GPM6A: variants seen among roughly 807,000 people sequenced by gnomAD.
GPM6A encodes the protein glycoprotein M6A.
In GPM6A, 7 loss-of-function variants were observed where a neutral mutation model predicts 32.1. That is an observed-to-expected ratio of 0.22 (90% confidence interval 0.12 to 0.41). GPM6A has a LOEUF of 0.41. GPM6A is among the 10% of genes least tolerant of loss of function. GPM6A has a pLI of 1.00. For missense variants in GPM6A, 235 were observed against 347.2 expected (o/e 0.68, Z 2.57); for synonymous variants, 130 against 123.4 (o/e 1.05, Z -0.35).
intron 1 of GPM6A, chr4:175,961,915 G>C (rs1478578608): frequency 3.1e-6 from 1 of 323,310 alleles, no homozygotes; most frequent in African/African-American, 2.1e-5. Flanking sequence ...GTAAAAAACT[G>C]AGTCCTAATT....
intron 1 of GPM6A, among the ~76,000 whole-genome samples, chr4:175,865,429 G>A (rs980597631): frequency 2.0e-5 from 3 of 152,086 alleles, no homozygotes; most frequent in African/African-American, 7.2e-5. Context: ...GGATTTTTGT[G>A]TAAATTTAAG....
At chr4:175,886,840 T>C (rs1405302695) in intron 1 of GPM6A, among the ~76,000 whole-genome samples, 3 of 151,810 alleles carry the variant, frequency 2.0e-5, no homozygotes, top group African/African-American at 4.8e-5. Flanking sequence ...TTGCTTCTAA[T>C]TGAATTTTGG....
intron 1 of GPM6A, among the ~76,000 whole-genome samples, chr4:175,834,288 C>T (rs1735699565): frequency 6.6e-6 from 1 of 152,144 alleles, no homozygotes; most frequent in African/African-American, 2.4e-5. Flanking sequence ...TATGCTTCCA[C>T]AAAAGGACAA....
intron 1 of GPM6A, among the ~76,000 whole-genome samples, chr4:175,956,407 G>C (rs967069593): frequency 1.3e-5 from 2 of 151,990 alleles, no homozygotes; most frequent in Non-Finnish European, 2.9e-5. Context: ...TCATTTGCTC[G>C]AATTCATATC....
chr4:175,654,138 T>C (rs1741948258), intron 3 of GPM6A: 1 of 152,222 alleles, frequency 6.6e-6, no homozygotes, highest in Non-Finnish European at 1.5e-5. Flanking sequence ...CAGGTCATTT[T>C]CCATCTTTTG....
At chr4:175,983,460 C>A (rs1245349991) in intron 1 of GPM6A, among the ~76,000 whole-genome samples, 4 of 152,170 alleles carry the variant, frequency 2.6e-5, no homozygotes, top group African/African-American at 9.6e-5. Context: ...AAGTTTACTT[C>A]TATTCCTAGT....
At chr4:175,668,429 G>A (rs6553892) in intron 3 of GPM6A, among the ~76,000 whole-genome samples, 84,352 of 150,464 alleles carry the variant, frequency 0.56, 26,032 homozygotes, top group East Asian at 0.88. Context: ...TTAAAATCTG[G>A]AAAAAAAAAT....
At chr4:175,821,923 A>G (rs1735289590) in intron 1 of GPM6A, among the ~76,000 whole-genome samples, 1 of 152,058 alleles carries the variant, frequency 6.6e-6, no homozygotes, top group East Asian at 1.9e-4. Context: ...ATTTTAATTT[A>G]TTTCCTCTGT....
Position 175,895,755 on chromosome 4 carries a change from C to T in GPM6A, c.-22-83506G>A, listed in dbSNP as rs563443703. ...ATATTTATTTGGTTTGCAATATTTT[C>T]CAAATTCTGTATTAAGTATACTGTA... On this transcript the variant is annotated intron_variant, in intron 1 of 7. Coordinates refer to the GPM6A transcript ENST00000280187. Among the ~76,000 whole-genome samples, 9 of 152,186 alleles carry T rather than the reference C, an allele frequency of 5.9e-5. No individual in the cohort carries two copies. In the South Asian group the frequency reaches 1.7e-3, roughly 28 times the overall value.
At chr4:175,750,305 G>T (rs146063835) in intron 1 of GPM6A, among the ~76,000 whole-genome samples, 6 of 152,026 alleles carry the variant, frequency 3.9e-5, no homozygotes, top group Non-Finnish European at 8.8e-5. Context: ...TGATCCACCC[G>T]CCTTGGCCTC....
Position 175,755,051 on chromosome 4 carries a change from A to T in GPM6A, c.38-53284T>A, listed in dbSNP as rs538948300. The stretch of plus-strand genomic sequence containing the variant: ...ATTAAAGAAAAAAATCTTCAAAAAA[A>T]TTTTTTTGTGTAATTTGAACATTAT... On this transcript the variant is annotated intron_variant, in intron 1 of 6. Transcript: ENST00000393658. Among the ~76,000 whole-genome samples the T allele has an allele frequency of 2.6e-4, 39 of 149,706 alleles. No homozygotes were observed. In the South Asian group the frequency reaches 4.0e-3, roughly 15 times the overall value.
chr4:175,939,417 T>A (rs1204416621), intron 1 of GPM6A, among the ~76,000 whole-genome samples: 1 of 152,202 alleles, frequency 6.6e-6, no homozygotes, highest in East Asian at 1.9e-4. Context: ...TTTTTGTATC[T>A]CTTAAAGCAG....
At chr4:175,751,828 T>C (rs946640100) in intron 1 of GPM6A, among the ~76,000 whole-genome samples, 4 of 151,994 alleles carry the variant, frequency 2.6e-5, no homozygotes, top group African/African-American at 9.7e-5. Context: ...TATTTCATCA[T>C]GGAGAGGAAA....
chr4:175,729,487 C>CA (rs1731320766), intron 1 of GPM6A, among the ~76,000 whole-genome samples: 1 of 151,402 alleles, frequency 6.6e-6, no homozygotes, highest in Admixed American at 6.6e-5. Context: ...CTCATGGATA[C>CA]AAAAAAATAG....
At chr4:175,823,836 T>G (rs930401965) in intron 1 of GPM6A, among the ~76,000 whole-genome samples, 1 of 152,218 alleles carries the variant, frequency 6.6e-6, no homozygotes, top group African/African-American at 2.4e-5. Context: ...GACTGACAAC[T>G]TTTCTCATTC....
chr4:175,757,877 A>G (rs77667554), intron 1 of GPM6A, among the ~76,000 whole-genome samples: 2,416 of 152,316 alleles, frequency 0.016, 79 homozygotes, highest in African/African-American at 0.055. Flanking sequence ...TGTACAGATA[A>G]TAACATGTTT....
chr4:175,812,912 G>A (rs1560947044), upstream of GPM6A: 1 of 984,750 alleles, frequency 1.0e-6, no homozygotes, highest in Non-Finnish European at 1.2e-6. Flanking sequence ...ACCATCTCAG[G>A]GTTTATCTGC....
chr4:175,690,557 C>A (rs960609394), intron 2 of GPM6A, among the ~76,000 whole-genome samples: 5 of 152,224 alleles, frequency 3.3e-5, no homozygotes, highest in Non-Finnish European at 5.9e-5. Context: ...CTTGCACTTT[C>A]CGACTTTCAG....
chr4:175,899,940 G>A (rs552332087), intron 1 of GPM6A, among the ~76,000 whole-genome samples: 37 of 152,062 alleles, frequency 2.4e-4, no homozygotes, highest in Non-Finnish European at 5.0e-4. Context: ...AAAACCCAAA[G>A]AATGGGAGAA....
Sources: gnomAD v4.1 joint callset for allele counts (sites outside exome capture counted in the v4.1 genomes callset) on GRCh38, gnomAD v4.1.1 for gene constraint, MANE v1.5 for transcripts, NCBI Gene and HGNC (gene_info 2026-07-23, HGNC 2026-07-21) for gene names.